Variants in PTPRD observed in about 807,000 individuals in gnomAD.
PTPRD encodes the protein receptor-type tyrosine-protein phosphatase delta.
A neutral mutation model predicts 214.5 loss-of-function variants in PTPRD; 34 were observed. That is an observed-to-expected ratio of 0.16 (90% CI 0.12 to 0.21). PTPRD has a LOEUF of 0.21. Among genes scored for constraint, PTPRD ranks in the 10% least tolerant of loss-of-function variants. The probability of loss-of-function intolerance (pLI) is 1.00; values close to 1 mark genes in which losing one functional copy is unlikely to be tolerated. For missense variants in PTPRD, 2,545 were observed against 2,398.7 expected, an observed-to-expected ratio of 1.06 and a Z score of -1.27; for synonymous variants, 1,128 against 845.7, an observed-to-expected ratio of 1.33 and a Z score of -5.79.
At chr9:9,727,252 C>T (rs967392253) in intron 7 of PTPRD, among the ~76,000 whole-genome samples, 1 of 152,012 alleles carries the variant, frequency 6.6e-6, no homozygotes, top group South Asian at 2.1e-4. Context: ...GAATTCAAGA[C>T]CAGCTTGGGC....
At chr9:9,252,085 A>G (rs1053068145) in intron 9 of PTPRD, among the ~76,000 whole-genome samples, 1 of 151,934 alleles carries the variant, frequency 6.6e-6, no homozygotes, top group African/African-American at 2.4e-5. Flanking sequence ...GATATTTAAC[A>G]TGGTGCCACA....
intron 2 of PTPRD, among the ~76,000 whole-genome samples, chr9:10,514,217 T>C (rs1368529171): frequency 6.6e-6 from 1 of 152,090 alleles, no homozygotes; most frequent in Admixed American, 6.6e-5. Context: ...TATTTACTTG[T>C]TCATTTTTGT....
At chr9:8,740,179 G>C (rs991429054) in intron 11 of PTPRD, among the ~76,000 whole-genome samples, 1 of 152,080 alleles carries the variant, frequency 6.6e-6, no homozygotes, top group Admixed American at 6.6e-5. Context: ...ATCTGATCAA[G>C]AATGCAAAGG....
intron 11 of PTPRD, among the ~76,000 whole-genome samples, chr9:8,773,687 T>A (rs1027697447): frequency 1.3e-5 from 2 of 152,228 alleles, no homozygotes; most frequent in Admixed American, 1.3e-4. Context: ...CCAAGCTCTT[T>A]ACATTGATTT....
chr9:8,383,739 A>G (rs1007611389), intron 37 of PTPRD, among the ~76,000 whole-genome samples: 4 of 152,164 alleles, frequency 2.6e-5, no homozygotes, highest in Non-Finnish European at 4.4e-5. Context: ...CATCTCCAAC[A>G]TTTATAACGC....
At chr9:9,692,716 T>G (rs1348114618) in intron 7 of PTPRD, among the ~76,000 whole-genome samples, 1 of 151,896 alleles carries the variant, frequency 6.6e-6, no homozygotes, top group Non-Finnish European at 1.5e-5. Context: ...GATTGCTTTC[T>G]GTAGTACAGA....
chr9:10,297,705 G>A (rs1397491172), intron 3 of PTPRD, among the ~76,000 whole-genome samples: 1 of 151,892 alleles, frequency 6.6e-6, no homozygotes, highest in Non-Finnish European at 1.5e-5. Flanking sequence ...GGAGTAATGT[G>A]ACTAATTCTT....
intron 36 of PTPRD, among the ~76,000 whole-genome samples, chr9:8,394,479 T>A (rs1369583220): frequency 6.6e-6 from 1 of 152,142 alleles, no homozygotes; most frequent in South Asian, 2.1e-4. Flanking sequence ...TTGCTAAGAA[T>A]TTAGAGAAAC....
At chr9:9,664,189 T>TA (rs906906268) in intron 7 of PTPRD, among the ~76,000 whole-genome samples, 4 of 150,766 alleles carry the variant, frequency 2.7e-5, no homozygotes, top group South Asian at 2.1e-4. Flanking sequence ...AAATTAAAAT[T>TA]AAAAAAATAA....
intron 4 of PTPRD, among the ~76,000 whole-genome samples, chr9:9,943,128 C>T (rs997301054): frequency 6.6e-6 from 1 of 152,186 alleles, no homozygotes; most frequent in African/African-American, 2.4e-5. Flanking sequence ...GTAGTACAAT[C>T]AAACTCAAAA....
intron 8 of PTPRD, among the ~76,000 whole-genome samples, chr9:9,475,792 G>T (rs1202099345): frequency 2.6e-5 from 4 of 152,184 alleles, no homozygotes; most frequent in Non-Finnish European, 5.9e-5. Flanking sequence ...TAAGTCTTGT[G>T]TGTGACTTGG....
chr9:8,837,954 A>C (rs2097471418), intron 11 of PTPRD, among the ~76,000 whole-genome samples: 1 of 152,228 alleles, frequency 6.6e-6, no homozygotes, highest in Admixed American at 6.5e-5. Flanking sequence ...TTCTTAGAAC[A>C]TGAGTAAGCC....
intron 8 of PTPRD, among the ~76,000 whole-genome samples, chr9:9,514,866 T>C (rs2096796224): frequency 6.6e-6 from 1 of 152,072 alleles, no homozygotes; most frequent in African/African-American, 2.4e-5. Flanking sequence ...CCTAGTTCTC[T>C]CCCTTTGGTG....
At chr9:9,101,107 G>A (rs1234856369) in intron 10 of PTPRD, among the ~76,000 whole-genome samples, 2 of 151,566 alleles carry the variant, frequency 1.3e-5, no homozygotes, top group South Asian at 2.1e-4. Flanking sequence ...AAAACAGAGA[G>A]AGAGAGAGAG....
intron 10 of PTPRD, among the ~76,000 whole-genome samples, chr9:9,093,596 A>C (rs1197948611): frequency 1.3e-5 from 2 of 151,984 alleles, no homozygotes; most frequent in Non-Finnish European, 2.9e-5. Context: ...ATGGGTAAAA[A>C]GGCAAGTCAC....
chr9:9,616,797 C>T (rs912254255), intron 7 of PTPRD, among the ~76,000 whole-genome samples: 21 of 152,162 alleles, frequency 1.4e-4, no homozygotes, highest in African/African-American at 4.8e-4. Flanking sequence ...GCTGCTCTGC[C>T]TATGGAGTAG....
intron 3 of PTPRD, among the ~76,000 whole-genome samples, chr9:10,161,881 A>G (rs2099129220): frequency 6.6e-6 from 1 of 151,848 alleles, no homozygotes; most frequent in Admixed American, 6.6e-5. Flanking sequence ...AATGGGCAAA[A>G]GATCCTAAAT....
intron 4 of PTPRD, among the ~76,000 whole-genome samples, chr9:9,956,336 G>T (rs1462239364): frequency 6.6e-6 from 1 of 151,122 alleles, no homozygotes; most frequent in Non-Finnish European, 1.5e-5. Context: ...CAAAAGTAGT[G>T]TAGTGATTTA....
chr9:8,557,677 A>G (rs2084423089), intron 14 of PTPRD, among the ~76,000 whole-genome samples: 1 of 138,550 alleles, frequency 7.2e-6, no homozygotes, highest in African/African-American at 2.6e-5. Flanking sequence ...TGGGAAGCGG[A>G]GGTTGCAGTG....
Sources: gnomAD v4.1 joint callset for allele counts (sites outside exome capture counted in the v4.1 genomes callset) on GRCh38, gnomAD v4.1.1 for gene constraint, MANE v1.5 for transcripts, NCBI Gene and HGNC (gene_info 2026-07-23, HGNC 2026-07-21) for gene names.